Variants in GABRA6 observed in about 807,000 individuals in gnomAD.
The protein encoded by GABRA6 is gamma-aminobutyric acid receptor subunit alpha-6.
A neutral mutation model predicts 47.3 loss-of-function variants in GABRA6; 45 were observed. The observed-to-expected ratio is 0.95, with a 90% CI of 0.75 to 1.22. GABRA6 has a LOEUF of 1.22. Ranked by LOEUF, GABRA6 falls within the 50% of genes most tolerant of loss-of-function variation. The probability of loss-of-function intolerance (pLI) is 0.00; values close to 1 mark genes in which losing one functional copy is unlikely to be tolerated. For missense variants in GABRA6, 583 were observed against 549.3 expected (o/e 1.06, Z -0.61); for synonymous variants, 219 against 194.7 (o/e 1.12, Z -1.04).
Position 161,697,156 on chromosome 5 carries a change from C to T in GABRA6, c.1087-4342C>T, listed in dbSNP as rs1032866250. 2.0e-5 allele frequency among the ~76,000 whole-genome samples: 3 copies of T among 152,202 alleles called. No homozygotes were observed. The East Asian group carries it at 5.8e-4, about 29-fold the overall frequency. ...CCTAAAGCAGGATGGCACTCAGCAGCAGGGGAGCCCTGCAAAAATTCAAAA... is the reference window on the plus strand; with the variant it reads ...CCTAAAGCAGGATGGCACTCAGCAGTAGGGGAGCCCTGCAAAAATTCAAAA... On this transcript the variant is annotated intron_variant, in intron 8 of 8. Transcript: ENST00000274545.
At chr5:161,695,084 T>C (rs1396745675) in intron 8 of GABRA6, among the ~76,000 whole-genome samples, 2 of 152,174 alleles carry the variant, frequency 1.3e-5, no homozygotes, top group African/African-American at 2.4e-5. Context: ...GAAGTTGAAA[T>C]GAAATTAAGT....
At position 161,689,164 on chromosome 5, in the gene GABRA6, C is replaced by A; in HGVS notation, c.441C>A (p.Thr147=). The change falls in exon 4 of 9, where the codon ACC becomes ACA. Residue 147 remains threonine (T), a synonymous_variant. Transcript: ENST00000274545. ...TGCAGAATGGAACCATTTTATACACCATGAGGTGAGGTTTCTCCAATTCTA... is the reference window on the plus strand; with the variant it reads ...TGCAGAATGGAACCATTTTATACACAATGAGGTGAGGTTTCTCCAATTCTA... ...RIMQNGTILY[T]MRLTINADCP... is the part of the protein sequence containing the mutation. The A allele has an allele frequency of 1.9e-6, 3 of 1,613,334 alleles. No homozygotes were observed. Among genetic ancestry groups the A allele is most frequent in the Non-Finnish European group, 2.5e-6 (3 of 1,179,338 alleles).
At chr5:161,687,154 G>C in intron 3 of GABRA6, 151 bp downstream of exon 3, 1 of 734,146 alleles carries the variant, frequency 1.4e-6, no homozygotes, top group Non-Finnish European at 2.5e-6. Context: ...CCATTAGAAT[G>C]GATTCCTGGC....
chr5:161,692,882 T>C (rs1421896762), intron 8 of GABRA6, among the ~76,000 whole-genome samples: 1 of 152,232 alleles, frequency 6.6e-6, no homozygotes, highest in South Asian at 2.1e-4. Context: ...GTAACATTAA[T>C]ATTTCAAGGG....
chr5:161,685,923 G>A lies in GABRA6; in HGVS notation c.-67G>A. On this transcript the variant is annotated 5_prime_UTR_variant, in exon 1 of 9. Transcript: ENST00000274545. ...GAAAGATTTCTCCAGTTGATTGGCA[G>A]AGAAGAGCTGGCTAGCAGGGAGGAC... 2.4e-6 allele frequency: 3 copies of A among 1,264,412 alleles called. No homozygotes were observed. The highest frequency in any genetic ancestry group is 3.5e-6 in the Non-Finnish European group (3 of 859,428). 78.3% of individuals were successfully genotyped at this position (1,264,412 alleles called of 1,614,324 possible).
chr5:161,686,956 A>G lies in GABRA6; in HGVS notation c.178A>G (p.Thr60Ala), dbSNP rs184561783. The G allele has an allele frequency of 7.9e-5, 128 of 1,613,992 alleles. No individual in the cohort carries two copies. Among genetic ancestry groups the G allele is most frequent in the Admixed American group, 6.3e-4 (38 of 60,012 alleles). Residue 60 changes from threonine (T) to alanine (A), a missense_variant, in exon 3 of 9, where the codon ACA becomes GCA. Thr to Ala is a moderately conservative substitution (Grantham distance 58). Transcript: ENST00000274545. ...TTCAGGTGCTGTCACTGAAGTCAAA[A>G]CAGACATTTATGTGACCAGTTTTGG... ...GFGGAVTEVK[T>A]DIYVTSFGPV...
In GABRA6 at chr5:161,685,928, G is replaced by A; in HGVS notation, c.-62G>A. The A allele has an allele frequency of 1.5e-6, 2 of 1,323,374 alleles. No homozygotes were observed. The highest frequency in any genetic ancestry group is 2.2e-6 in the Non-Finnish European group (2 of 913,178). The allele number at this position is 1,323,374 out of a possible 1,614,324, so 82.0% of individuals were successfully genotyped here. On this transcript the variant is annotated 5_prime_UTR_variant, in exon 1 of 9. Coordinates refer to ENST00000274545, the MANE Select transcript of GABRA6 (RefSeq NM_000811.3). Reference sequence around the variant, plus strand: ...ATTTCTCCAGTTGATTGGCAGAGAAGAGCTGGCTAGCAGGGAGGACGACCC... The same window carrying A: ...ATTTCTCCAGTTGATTGGCAGAGAAAAGCTGGCTAGCAGGGAGGACGACCC...
At position 161,685,979 on chromosome 5, in the gene GABRA6, T is replaced by G. The variant is rs1365778453; in HGVS notation, c.-11T>G. 1 of 1,613,278 alleles carries G rather than the reference T, an allele frequency of 6.2e-7. No individual in the cohort carries two copies. Among genetic ancestry groups the G allele is most frequent in the Non-Finnish European group, 8.5e-7 (1 of 1,179,188 alleles). ...TAGGAGGGTGAATTCTGCATTTCAG[T>G]GCACTGCAGGATGGCGTCGTCTCTG... On this transcript the variant is annotated 5_prime_UTR_variant, in exon 1 of 9. Transcript: ENST00000274545.
intron 8 of GABRA6, among the ~76,000 whole-genome samples, chr5:161,699,557 C>CT (rs35617127): frequency 0.82 from 106,378 of 129,018 alleles, 45,177 homozygotes; most frequent in East Asian, 0.98. Flanking sequence ...CAGCTGTCAT[C>CT]TTTTTTTTTT....
intron 3 of GABRA6, among the ~76,000 whole-genome samples, chr5:161,688,073 G>T (rs1351362198): frequency 1.3e-5 from 2 of 152,186 alleles, no homozygotes; most frequent in East Asian, 1.9e-4. Context: ...TATACTTAGT[G>T]TTCTATCTTA....
intron 7 of GABRA6, 127 bp from the exon 8 acceptor site, chr5:161,691,814 A>G (rs1025160705): frequency 1.3e-6 from 1 of 794,860 alleles, no homozygotes; most frequent in African/African-American, 1.7e-5. Context: ...TTATAATACA[A>G]AAAATATTTT....
chr5:161,692,116 G>A lies in GABRA6; in HGVS notation c.1002G>A (p.Lys334=). Residue 334 remains lysine, a synonymous_variant, in exon 8 of 9, where the codon AAG becomes AAA. Transcript: ENST00000274545. ...ACTTTACCAATCTTCAGACACAGAA[G>A]GCCAAAAGGAAGGCACAGTTTGCAG... The part of the protein sequence containing the change: ...VNYFTNLQTQ[K]AKRKAQFAAP... 3.1e-6 allele frequency: 5 copies of A among 1,614,094 alleles called. No individual in the cohort carries two copies. The highest frequency in any genetic ancestry group is 4.2e-6 in the Non-Finnish European group (5 of 1,179,988).
intron 3 of GABRA6, among the ~76,000 whole-genome samples, chr5:161,687,873 A>G (rs1367703704): frequency 6.6e-6 from 1 of 152,170 alleles, no homozygotes; most frequent in Non-Finnish European, 1.5e-5. Context: ...AAGAAATAAA[A>G]TTGAAAGAAA....
At chr5:161,691,815 A>G (rs988308961) in intron 7 of GABRA6, 126 bp from the exon 8 acceptor site, 27 of 797,830 alleles carry the variant, frequency 3.4e-5, no homozygotes, top group Non-Finnish European at 5.2e-5. Context: ...TATAATACAA[A>G]AAATATTTTT....
chr5:161,687,081 T>C, intron 3 of GABRA6, 78 bp downstream of exon 3: 1 of 1,155,110 alleles, frequency 8.7e-7, no homozygotes, highest in Non-Finnish European at 1.3e-6. Context: ...ATAATGGGCA[T>C]TGCCGCCAAG....
At chr5:161,696,383 C>T (rs577094960) in intron 8 of GABRA6, among the ~76,000 whole-genome samples, 1 of 146,612 alleles carries the variant, frequency 6.8e-6, no homozygotes, top group South Asian at 2.2e-4. Flanking sequence ...CGGAGTCTTG[C>T]TCTGTCGCCC....
chr5:161,701,470 G>T (rs938127534), intron 8 of GABRA6, 28 bp from the exon 9 acceptor site: 2 of 1,610,358 alleles, frequency 1.2e-6, no homozygotes, highest in Admixed American at 3.3e-5. Flanking sequence ...TCTTTCATTT[G>T]GGCTTAATAT....
At position 161,686,331 on chromosome 5, in the gene GABRA6, T is replaced by C; in HGVS notation, c.140T>C (p.Leu47Pro). ...TTGCTTGAAGGCTATGACAATCGGC[T>C]GCGGCCGGGATTTGGAGGTAAGAAG... is the stretch of plus-strand genomic sequence containing the variant. ...DNLLEGYDNRLRPGFGGAVTE... is the reference protein window; with the variant it reads ...DNLLEGYDNRPRPGFGGAVTE... Residue 47 changes from leucine to proline, a missense_variant, in exon 2 of 9, where the codon CTG (leucine) becomes CCG (proline). Coordinates refer to ENST00000274545, the MANE Select transcript of GABRA6 (RefSeq NM_000811.3). The C allele has an allele frequency of 6.2e-7, 1 of 1,613,736 alleles. No individual in the cohort carries two copies. The highest frequency in any genetic ancestry group is 8.5e-7 in the Non-Finnish European group (1 of 1,179,634).
intron 8 of GABRA6, among the ~76,000 whole-genome samples, chr5:161,699,792 C>T (rs1754947132): frequency 6.6e-6 from 1 of 151,974 alleles, no homozygotes; most frequent in Admixed American, 6.6e-5. Flanking sequence ...TCCCTCATCT[C>T]CTCTTCAAGA....
Sources: allele counts gnomAD v4.1 joint callset (sites outside exome capture counted in the v4.1 genomes callset), GRCh38; gene constraint gnomAD v4.1.1; transcripts MANE v1.5; gene names NCBI Gene and HGNC (gene_info 2026-07-23, HGNC 2026-07-21).